The following RUFY4 variants were observed in gnomAD, a reference collection of about 807,000 sequenced individuals.
RUFY4 encodes RUN and FYVE domain-containing protein 4.
RUFY4 carries 73 observed loss-of-function variants against 69.0 expected under a neutral mutation model. The ratio of observed to expected loss-of-function variants is 1.06; its 90% CI spans 0.88 to 1.29. RUFY4 has a LOEUF of 1.29. Among genes scored for constraint, RUFY4 ranks in the 50% most tolerant of loss-of-function variants. RUFY4 has a pLI of 0.00. For missense variants in RUFY4, 770 were observed against 705.6 expected, an observed-to-expected ratio of 1.09 and a Z score of -1.03; for synonymous variants, 287 against 271.8, an observed-to-expected ratio of 1.06 and a Z score of -0.55.
chr2:218,052,199 C>A (rs1390598261), intron 2 of RUFY4, among the ~76,000 whole-genome samples: 1 of 152,074 alleles, frequency 6.6e-6, no homozygotes, highest in African/African-American at 2.4e-5. Context: ...GTAGCTTTTT[C>A]TTTTTTTATT....
At chr2:218,062,798 G>A (rs1190959216) in intron 3 of RUFY4, among the ~76,000 whole-genome samples, 7 of 152,202 alleles carry the variant, frequency 4.6e-5, no homozygotes, top group East Asian at 1.9e-4. Context: ...GGGTAGAAAC[G>A]TAACAGGTTA....
exon 7 of RUFY4, chr2:218,075,692 G>A: frequency 6.8e-7 from 1 of 1,469,348 alleles, no homozygotes; most frequent in Non-Finnish European, 9.0e-7. Context: ...TGACCCTTGT[G>A]GCCAGAAGGG....
chr2:218,040,981 T>G (rs1220454197), intron 2 of RUFY4, among the ~76,000 whole-genome samples: 1 of 151,852 alleles, frequency 6.6e-6, no homozygotes, highest in East Asian at 1.9e-4. Flanking sequence ...CCAATCTGAA[T>G]AGCTTTCCAA....
intron 10 of RUFY4, 139 bp downstream of exon 12, chr2:218,089,501 A>G (rs778657781): frequency 1.5e-6 from 1 of 679,190 alleles, no homozygotes; most frequent in Non-Finnish European, 2.6e-6. Context: ...TACTCATTCT[A>G]CCACATCTGG....
rs1347952052 is a variant in RUFY4 at position 218,090,006 on chromosome 2, CCG to C, written c.1670_1671del (p.Arg557LeufsTer23). On this transcript the variant is annotated frameshift_variant, in exon 11 of 11. Transcript: ENST00000344321. LOFTEE classifies it high-confidence loss of function. The stretch of plus-strand genomic sequence containing the variant: ...GCTCCATGGATTACAAGAAGAGAGA[CCG>C]CTGCTGCCCACCCTGCGCCCAGGGA... The C allele has an allele frequency of 6.4e-7, 1 of 1,566,714 alleles. No homozygotes were observed. Among genetic ancestry groups the C allele is most frequent in the South Asian group, 1.2e-5 (1 of 84,380 alleles).
intron 3 of RUFY4, chr2:218,060,916 A>T (rs1350968967): frequency 3.0e-6 from 3 of 987,022 alleles, no homozygotes; most frequent in Non-Finnish European, 4.9e-6. Context: ...AGGTTCCACA[A>T]ACCCAGACAT....
At chr2:218,041,160 T>C (rs1172612593) in intron 2 of RUFY4, among the ~76,000 whole-genome samples, 7 of 152,180 alleles carry the variant, frequency 4.6e-5, no homozygotes, top group Admixed American at 3.9e-4. Context: ...TTCACATTCA[T>C]TGGATAATCT....
At chr2:218,060,477 G>A (rs1271447029) in intron 3 of RUFY4, 1 of 1,347,310 alleles carries the variant, frequency 7.4e-7, no homozygotes, top group African/African-American at 1.4e-5. Flanking sequence ...GGCCAATGAA[G>A]GCGTAGATGA....
chr2:218,073,905 A>C lies in RUFY4; in HGVS notation c.600+20A>C, dbSNP rs775290989. 10 of 1,612,634 alleles carry C rather than the reference A, an allele frequency of 6.2e-6. No homozygotes were observed. Among genetic ancestry groups the C allele is most frequent in the Non-Finnish European group, 8.5e-6 (10 of 1,179,052 alleles). On this transcript the variant is annotated intron_variant, in intron 6 of 10. Transcript: ENST00000344321. ...AAGAAGGTGCCTCTGCCCTGCCTTC[A>C]CTCTGAGTTGCCTCTTCCCCATCTC...
intron 7 of RUFY4, among the ~76,000 whole-genome samples, 183 bp downstream of exon 9, chr2:218,075,923 G>A (rs915028984): frequency 1.3e-5 from 2 of 152,030 alleles, no homozygotes; most frequent in African/African-American, 2.4e-5. Context: ...CACAGTCCCC[G>A]CCTCTCCCTA....
chr2:218,081,937 C>G (rs1013213237), intron 8 of RUFY4, among the ~76,000 whole-genome samples: 1 of 152,194 alleles, frequency 6.6e-6, no homozygotes, highest in Non-Finnish European at 1.5e-5. Flanking sequence ...AAGCCTCTTC[C>G]GCTCAAACAC....
Position 218,073,223 on chromosome 2 carries a change from T to A in RUFY4, c.387-20T>A. 1 of 1,548,544 alleles carries A rather than the reference T, an allele frequency of 6.5e-7. No homozygotes were observed. The highest frequency in any genetic ancestry group is 8.7e-7 in the Non-Finnish European group (1 of 1,146,816). ...AGCACCAGGGTCAAAGGCCAAGGGT[T>A]CTGATCACTGTTAACACAGGGAATG... On this transcript the variant is annotated intron_variant, in intron 4 of 10. Coordinates refer to ENST00000344321, the Ensembl canonical transcript of RUFY4.
intron 2 of RUFY4, among the ~76,000 whole-genome samples, chr2:218,050,126 A>AT (rs1253366017): frequency 1.3e-5 from 2 of 152,190 alleles, no homozygotes; most frequent in Non-Finnish European, 1.5e-5. Context: ...AAAGCCACCC[A>AT]TGGACCAGTC....
intron 9 of RUFY4, among the ~76,000 whole-genome samples, chr2:218,087,023 C>G (rs76157286): frequency 0.13 from 19,309 of 152,080 alleles, 2,085 homozygotes; most frequent in African/African-American, 0.29. Context: ...CATCTTAGCT[C>G]TTTGGGAAGA....
chr2:218,044,261 C>T lies in RUFY4; in HGVS notation c.-1158+8867C>T, dbSNP rs569045365. On this transcript the variant is annotated intron_variant and NMD_transcript_variant, in intron 2 of 13. Coordinates refer to the RUFY4 transcript ENST00000457754. ...CTGCAGCCAGTGTTTTGGCAGTGGC[C>T]AGATGAGCCACTGCTGCCATCAGTT... Among the ~76,000 whole-genome samples the T allele has an allele frequency of 2.0e-5, 3 of 152,296 alleles. No homozygotes were observed. In the East Asian group the frequency reaches 5.8e-4, roughly 29 times the overall value.
chr2:218,055,482 A>T (rs1018474922), intron 2 of RUFY4, among the ~76,000 whole-genome samples: 1 of 152,148 alleles, frequency 6.6e-6, no homozygotes, highest in African/African-American at 2.4e-5. Context: ...ATAAAACTAA[A>T]TTTGGTGTTA....
upstream of RUFY4, among the ~76,000 whole-genome samples, chr2:218,069,879 G>C (rs1211139119): frequency 6.6e-6 from 1 of 152,136 alleles, no homozygotes; most frequent in Non-Finnish European, 1.5e-5. Context: ...CAGGACCCAT[G>C]GGGAGGAGAA....
At chr2:218,048,206 C>CT (rs1427228939) in intron 2 of RUFY4, among the ~76,000 whole-genome samples, 2 of 152,096 alleles carry the variant, frequency 1.3e-5, no homozygotes, top group Non-Finnish European at 2.9e-5. Flanking sequence ...TGATATTGAG[C>CT]TTTTTTTACA....
At chr2:218,089,253 G>C in exon 10 of RUFY4, 1 of 1,613,078 alleles carries the variant, frequency 6.2e-7, no homozygotes, top group Non-Finnish European at 8.5e-7. Context: ...CCCCATCAGA[G>C]AGAAGGACCG....
Sources: gnomAD v4.1 joint callset for allele counts (sites outside exome capture counted in the v4.1 genomes callset) on GRCh38, gnomAD v4.1.1 for gene constraint, MANE v1.5 for transcripts, NCBI Gene and HGNC (gene_info 2026-07-23, HGNC 2026-07-21) for gene names.